The following PCSK1 variants were observed in gnomAD, a reference collection of about 807,000 sequenced individuals.
PCSK1 encodes neuroendocrine convertase 1.
PCSK1 carries 56 observed loss-of-function variants against 90.6 expected under a neutral mutation model. That is an observed-to-expected ratio of 0.62 (90% CI 0.50 to 0.77). The LOEUF is 0.77. PCSK1 is among the 30% of genes least tolerant of loss of function. The pLI, the probability that PCSK1 is intolerant of heterozygous loss-of-function variation, is 0.00. For missense variants in PCSK1, 801 were observed against 932.6 expected, an observed-to-expected ratio of 0.86 and a Z score of 1.84; for synonymous variants, 348 against 342.4, an observed-to-expected ratio of 1.02 and a Z score of -0.18.
intron 9 of PCSK1, among the ~76,000 whole-genome samples, chr5:96,401,251 G>C (rs1398402384): frequency 6.6e-6 from 1 of 152,124 alleles, no homozygotes; most frequent in Admixed American, 6.5e-5. Context: ...AAACTTTGTG[G>C]GGGAGAAATA....
intron 1 of PCSK1, among the ~76,000 whole-genome samples, chr5:96,430,991 A>G (rs574903832): frequency 5.9e-5 from 9 of 152,300 alleles, no homozygotes; most frequent in Non-Finnish European, 1.2e-4. Flanking sequence ...AACAGGTGGG[A>G]AAAAGAAGAG....
At chr5:96,430,208 C>A (rs1292631730) in intron 1 of PCSK1, among the ~76,000 whole-genome samples, 1 of 152,172 alleles carries the variant, frequency 6.6e-6, no homozygotes, top group African/African-American at 2.4e-5. Context: ...TATCTATTGA[C>A]ATCTTTGGTT....
chr5:96,420,258 C>A (rs1186985468), intron 5 of PCSK1, among the ~76,000 whole-genome samples: 1 of 152,080 alleles, frequency 6.6e-6, no homozygotes, highest in East Asian at 1.9e-4. Context: ...CCAAGGTCAC[C>A]CTTTACTCTG....
At chr5:96,403,471 C>T (rs889554771) in intron 9 of PCSK1, among the ~76,000 whole-genome samples, 42 of 152,066 alleles carry the variant, frequency 2.8e-4, no homozygotes, top group African/African-American at 9.7e-4. Flanking sequence ...ATTGTTCATT[C>T]GTGTGCTTGT....
Position 96,410,844 on chromosome 5 carries a change from CA to C in PCSK1, c.1024del (p.Trp342GlyfsTer92). On this transcript the variant is annotated frameshift_variant, in exon 8 of 14. Coordinates refer to ENST00000311106, the MANE Select transcript of PCSK1 (RefSeq NM_000439.5). LOFTEE classifies it high-confidence loss of function. The part of the protein sequence containing the change: ...SSASQQGLSP[W>X]YAEKCSSTLA... The stretch of plus-strand genomic sequence containing the variant: ...TGTGGAGGAGCACTTCTCAGCGTAC[CA>C]GGGGGATAGGCCTTGCTGGGAGGCA... The C allele has an allele frequency of 6.2e-7, 1 of 1,614,046 alleles. No individual in the cohort carries two copies.
At chr5:96,429,408 A>T in intron 1 of PCSK1, 91 bp from the exon 2 acceptor site, 2 of 718,142 alleles carry the variant, frequency 2.8e-6, no homozygotes, top group South Asian at 3.2e-5. Flanking sequence ...GAGATAGGCA[A>T]CTTTTATTAA....
chr5:96,423,237 A>C, intron 4 of PCSK1, 76 bp downstream of exon 4: 2 of 1,442,422 alleles, frequency 1.4e-6, no homozygotes, highest in Non-Finnish European at 1.9e-6. Context: ...CATCCCCTTG[A>C]AAAGAAGGAA....
chr5:96,413,116 C>G (rs1274487533), intron 6 of PCSK1: 1 of 183,506 alleles, frequency 5.4e-6, no homozygotes, highest in Admixed American at 6.5e-5. Flanking sequence ...TAAAAATAAC[C>G]CAGAGGCCAT....
At chr5:96,402,169 G>A (rs1410954715) in intron 9 of PCSK1, among the ~76,000 whole-genome samples, 1 of 152,160 alleles carries the variant, frequency 6.6e-6, no homozygotes, top group Non-Finnish European at 1.5e-5. Flanking sequence ...AGAGGCAGTG[G>A]ACATTCCTAA....
rs376269033 is a variant in PCSK1, at chr5:96,392,971, A to C, written c.*30T>G. 17 of 1,612,518 alleles carry C rather than the reference A, an allele frequency of 1.1e-5. No individual in the cohort carries two copies. Among genetic ancestry groups the C allele is most frequent in the Non-Finnish European group, 1.4e-5 (17 of 1,178,726 alleles). On this transcript the variant is annotated 3_prime_UTR_variant, in exon 14 of 14. Coordinates refer to ENST00000311106, the MANE Select transcript of PCSK1 (RefSeq NM_000439.5). The stretch of plus-strand genomic sequence containing the variant: ...ATCGCAGGGTAAGGAAGAAGCATGA[A>C]TATTTCCAACTTGGGACCACACACT...
intron 5 of PCSK1, among the ~76,000 whole-genome samples, chr5:96,421,328 G>A (rs2112437414): frequency 6.6e-6 from 1 of 152,314 alleles, no homozygotes; most frequent in South Asian, 2.1e-4. Context: ...AGGAACTCTG[G>A]AGGAGACTTC....
rs1759901388 is a variant in PCSK1, at chr5:96,390,406, A to G, written c.*2595T>C. ...ATTTATTTTTCTGATTTATAAGCAT[A>G]TTTTACATATTCTGGTCAATACATC... On this transcript the variant is annotated 3_prime_UTR_variant, in exon 14 of 14. Transcript: ENST00000311106. 6.6e-6 allele frequency: 1 copy of G among 152,162 alleles called. No individual in the cohort carries two copies. Among genetic ancestry groups the G allele is most frequent in the Non-Finnish European group, 1.5e-5 (1 of 68,012 alleles). 9.4% of individuals were successfully genotyped at this position (152,162 alleles called of 1,614,324 possible). A position where few individuals can be genotyped will look rare whatever the true frequency, so the allele number is the denominator to read the frequency against.
chr5:96,415,574 A>G (rs1200745323), intron 6 of PCSK1, among the ~76,000 whole-genome samples: 2 of 152,234 alleles, frequency 1.3e-5, no homozygotes, highest in Non-Finnish European at 2.9e-5. Context: ...CATCCTTGCT[A>G]TAAAAGATAA....
At chr5:96,415,894 C>A in intron 6 of PCSK1, 139 bp downstream of exon 6, 1 of 678,718 alleles carries the variant, frequency 1.5e-6, no homozygotes, top group Non-Finnish European at 2.7e-6. Flanking sequence ...AAATCATATT[C>A]AAGTCCTGTA....
intron 9 of PCSK1, among the ~76,000 whole-genome samples, chr5:96,401,325 G>T (rs1192714620): frequency 6.6e-6 from 1 of 152,124 alleles, no homozygotes; most frequent in African/African-American, 2.4e-5. Context: ...AAGGCCACTG[G>T]AGCAAAAGCA....
rs1396003198 is a variant in PCSK1, at chr5:96,410,758, G to C, written c.1095+16C>G. 6.2e-7 allele frequency: 1 copy of C among 1,602,090 alleles called. No individual in the cohort carries two copies. The highest frequency in any genetic ancestry group is 2.2e-5 in the East Asian group (1 of 44,818). On this transcript the variant is annotated intron_variant, in intron 8 of 13. Coordinates refer to ENST00000311106, the MANE Select transcript of PCSK1 (RefSeq NM_000439.5). ...TCTCCTAACTAAGCAGAGAGAATTA[G>C]ACAAAAGCAACATACGATTCTCTGG...
intron 9 of PCSK1, among the ~76,000 whole-genome samples, chr5:96,404,689 G>T (rs1760495876): frequency 6.6e-6 from 1 of 152,152 alleles, no homozygotes; most frequent in Admixed American, 6.5e-5. Flanking sequence ...CCCTCACAGG[G>T]CTGTGGGAGG....
chr5:96,412,750 A>ATTT lies in PCSK1; in HGVS notation c.710-261_710-260insAAA, dbSNP rs1451878228. ...ACCATGCACTGTGTAGGCAGCTGTG[A>ATTT]TGTTTTTTTTTTTTTTTTTTTTTTT... is the stretch of plus-strand genomic sequence containing the variant. On this transcript the variant is annotated intron_variant, in intron 6 of 13. Transcript: ENST00000311106. 1.7e-4 allele frequency among the ~76,000 whole-genome samples: 11 copies of ATTT among 63,410 alleles called. 1 individual carries two copies. Among genetic ancestry groups the ATTT allele is most frequent in the African/African-American group, 5.6e-4 (7 of 12,602 alleles). 41.6% of individuals were successfully genotyped at this position (63,410 alleles called of 152,430 possible). A position where few individuals can be genotyped will look rare whatever the true frequency, so the allele number is the denominator to read the frequency against.
Position 96,392,278 on chromosome 5 carries a change from G to T in PCSK1, c.*723C>A, listed in dbSNP as rs1759970572. On this transcript the variant is annotated 3_prime_UTR_variant, in exon 14 of 14. Transcript: ENST00000311106. ...AAAACTTTCAGAAGGAGAAACAGAG[G>T]AAAGACCAGGCATGCAGCACGAGTC... is the stretch of plus-strand genomic sequence containing the variant. 1 of 152,058 alleles carries T rather than the reference G, an allele frequency of 6.6e-6. No homozygotes were observed. Among genetic ancestry groups the T allele is most frequent in the African/African-American group, 2.4e-5 (1 of 41,388 alleles). The allele number at this position is 152,058 out of a possible 1,614,324, so 9.4% of individuals were successfully genotyped here.
Sources: allele counts gnomAD v4.1 joint callset (sites outside exome capture counted in the v4.1 genomes callset), GRCh38; gene constraint gnomAD v4.1.1; transcripts MANE v1.5; gene names NCBI Gene and HGNC (gene_info 2026-07-23, HGNC 2026-07-21).